Variants in PARP8 observed in about 807,000 individuals in gnomAD.
PARP8 encodes the protein protein mono-ADP-ribosyltransferase PARP8.
A neutral mutation model predicts 124.1 loss-of-function variants in PARP8; 51 were observed. That is an observed-to-expected ratio of 0.41 (90% CI 0.33 to 0.52). The LOEUF is 0.52. Ranked by LOEUF, PARP8 falls within the 20% of genes least tolerant of loss-of-function variation. The pLI is 0.21. For synonymous variants in PARP8, 391 were observed against 361.5 expected, an observed-to-expected ratio of 1.08 and a Z score of -0.93; for missense variants, 860 against 1,018.9, an observed-to-expected ratio of 0.84 and a Z score of 2.12.
At chr5:50,669,163 GA>G (rs1407916606) in intron 2 of PARP8, 1 of 152,110 alleles carries the variant, frequency 6.6e-6, no homozygotes, top group Admixed American at 6.5e-5. Flanking sequence ...CTAAGCCCCA[GA>G]ATTAGCACAT....
intron 7 of PARP8, among the ~76,000 whole-genome samples, chr5:50,765,317 A>C (rs1488976417): frequency 1.3e-5 from 2 of 151,902 alleles, no homozygotes; most frequent in African/African-American, 2.4e-5. Context: ...GCACATGTTT[A>C]TTTCTTTTAT....
chr5:50,792,266 G>T (rs1407836287), intron 10 of PARP8, among the ~76,000 whole-genome samples: 1 of 152,070 alleles, frequency 6.6e-6, no homozygotes, highest in African/African-American at 2.4e-5. Flanking sequence ...TAAGGAGGTG[G>T]TTGTTATACC....
At chr5:50,758,526 C>T (rs1025083392) in intron 3 of PARP8, among the ~76,000 whole-genome samples, 18 of 151,986 alleles carry the variant, frequency 1.2e-4, no homozygotes, top group African/African-American at 4.4e-4. Context: ...CTCATTGTAC[C>T]GACACAATAT....
At chr5:50,770,762 G>A (rs773866577) in intron 7 of PARP8, among the ~76,000 whole-genome samples, 4 of 151,918 alleles carry the variant, frequency 2.6e-5, no homozygotes, top group Non-Finnish European at 5.9e-5. Flanking sequence ...AGATGGATGC[G>A]GCAGAGACTG....
intron 2 of PARP8, among the ~76,000 whole-genome samples, chr5:50,747,163 G>GTTTTTT (rs1211253892): frequency 2.9e-3 from 279 of 95,500 alleles, no homozygotes; most frequent in Middle Eastern, 7.4e-3. Context: ...TGTTTGTTTT[G>GTTTTTT]TTTTTTTTTT....
At chr5:50,778,708 T>C in intron 9 of PARP8, 58 bp downstream of exon 9, 1 of 1,086,248 alleles carries the variant, frequency 9.2e-7, no homozygotes, top group South Asian at 1.8e-5. Flanking sequence ...CACTATGCCT[T>C]AAGCAAAATG....
chr5:50,835,959 A>G (rs1747535414), intron 25 of PARP8, among the ~76,000 whole-genome samples: 1 of 152,178 alleles, frequency 6.6e-6, no homozygotes, highest in Non-Finnish European at 1.5e-5. Context: ...AGAGTTGAGC[A>G]TATCTGTTTT....
intron 21 of PARP8, 58 bp downstream of exon 21, chr5:50,828,442 A>G: frequency 6.8e-7 from 1 of 1,471,772 alleles, no homozygotes; most frequent in Non-Finnish European, 9.5e-7. Context: ...GAGATTCAGT[A>G]AGCAACCCTG....
intron 7 of PARP8, among the ~76,000 whole-genome samples, chr5:50,773,772 C>A (rs1761869015): frequency 6.6e-6 from 1 of 151,498 alleles, no homozygotes; most frequent in African/African-American, 2.4e-5. Flanking sequence ...TAATATTCTT[C>A]CATCCATAAA....
intron 7 of PARP8, among the ~76,000 whole-genome samples, chr5:50,775,056 C>T (rs1258164782): frequency 6.6e-5 from 10 of 150,658 alleles, no homozygotes; most frequent in East Asian, 2.0e-4. Flanking sequence ...TGGGCAGAGG[C>T]GCTCCTCACT....
chr5:50,835,610 T>C (rs1452551823), intron 25 of PARP8, among the ~76,000 whole-genome samples: 1 of 152,206 alleles, frequency 6.6e-6, no homozygotes, highest in East Asian at 1.9e-4. Flanking sequence ...TATATATGTA[T>C]ACATGTGTTT....
At chr5:50,741,844 C>G (rs1157001590) in intron 2 of PARP8, 2 of 395,342 alleles carry the variant, frequency 5.1e-6, no homozygotes, top group Non-Finnish European at 9.9e-6. Flanking sequence ...GAATTTCATT[C>G]TTGTTGCCCA....
At chr5:50,778,398 A>G (rs76168257) in intron 8 of PARP8, among the ~76,000 whole-genome samples, 162 bp from the exon 9 acceptor site, 1,524 of 152,264 alleles carry the variant, frequency 0.01, 26 homozygotes, top group Non-Finnish European at 0.013. Context: ...GTTCTCATAC[A>G]TAGAAGGCCA....
At chr5:50,679,290 C>T (rs1002879761) in intron 2 of PARP8, among the ~76,000 whole-genome samples, 6 of 152,142 alleles carry the variant, frequency 3.9e-5, no homozygotes, top group Non-Finnish European at 8.8e-5. Flanking sequence ...CCATACTTTT[C>T]GTTATTATCA....
rs750763109 is a variant in PARP8, at chr5:50,782,240, A to G, written c.670+3590A>G. 5.7e-4 allele frequency among the ~76,000 whole-genome samples: 86 copies of G among 152,196 alleles called. 1 individual carries two copies. Among genetic ancestry groups the G allele is most frequent in the Admixed American group, 3.1e-3 (48 of 15,278 alleles). ...TTGATTCCATCTGCTCTGTTTGTGCAAAATTTGCTGGGCATTTCTCACATG... is the reference window on the plus strand; with the variant it reads ...TTGATTCCATCTGCTCTGTTTGTGCGAAATTTGCTGGGCATTTCTCACATG... On this transcript the variant is annotated intron_variant, in intron 9 of 25. Coordinates refer to ENST00000281631, the MANE Select transcript of PARP8 (RefSeq NM_024615.4).
intron 2 of PARP8, among the ~76,000 whole-genome samples, chr5:50,747,851 C>G (rs1413386644): frequency 7.7e-6 from 1 of 130,378 alleles, no homozygotes; most frequent in Admixed American, 9.5e-5. Flanking sequence ...CGGCTCACTT[C>G]AAGCTCCGCC....
chr5:50,668,422 C>T (rs1749618144), intron 2 of PARP8: 1 of 349,676 alleles, frequency 2.9e-6, no homozygotes, highest in Non-Finnish European at 5.3e-6. Flanking sequence ...GATACAGGCA[C>T]GCCGGTGCAA....
intron 14 of PARP8, among the ~76,000 whole-genome samples, chr5:50,806,835 G>T (rs1743897258): frequency 6.6e-6 from 1 of 151,876 alleles, no homozygotes; most frequent in African/African-American, 2.4e-5. Flanking sequence ...CAAGAGTAAT[G>T]TATAAAAATA....
chr5:50,834,921 C>T lies in PARP8; in HGVS notation c.2378-10C>T. 2 of 1,609,288 alleles carry T rather than the reference C, an allele frequency of 1.2e-6. No individual in the cohort carries two copies. The highest frequency in any genetic ancestry group is 1.7e-6 in the Non-Finnish European group (2 of 1,176,190). On this transcript the variant is annotated splice_polypyrimidine_tract_variant and intron_variant, in intron 24 of 25. Coordinates refer to ENST00000281631, the MANE Select transcript of PARP8 (RefSeq NM_024615.4). ...AAAGTGGTTCTTTAATTTTATTTTCCACTTAACAGTGATCACCTCATCTGA... is the reference window on the plus strand; with the variant it reads ...AAAGTGGTTCTTTAATTTTATTTTCTACTTAACAGTGATCACCTCATCTGA...
Sources: gnomAD v4.1 joint callset for allele counts (sites outside exome capture counted in the v4.1 genomes callset) on GRCh38, gnomAD v4.1.1 for gene constraint, MANE v1.5 for transcripts, NCBI Gene and HGNC (gene_info 2026-07-23, HGNC 2026-07-21) for gene names.